The following LYRM2 variants were observed in gnomAD, a reference collection of about 807,000 sequenced individuals.
LYRM2 encodes LYR motif-containing protein 2.
In LYRM2, 8 loss-of-function variants were observed where a neutral mutation model predicts 11.6. The ratio of observed to expected loss-of-function variants is 0.69; its 90% CI spans 0.40 to 1.24. The LOEUF is 1.24. Among genes scored for constraint, LYRM2 ranks in the 50% most tolerant of loss-of-function variants. LYRM2 has a pLI of 0.01. For synonymous variants in LYRM2, 30 were observed against 36.4 expected (o/e 0.83, Z 0.63); for missense variants, 117 against 102.9 (o/e 1.14, Z -0.59).
rs1223578465 is a variant in LYRM2 at position 89,632,315 on chromosome 6, GTTTT to G, written c.*4954_*4957del. 6.6e-6 allele frequency: 1 copy of G among 151,792 alleles called. No individual in the cohort carries two copies. The highest frequency in any genetic ancestry group is 2.1e-4 in the South Asian group (1 of 4,792). 9.4% of individuals were successfully genotyped at this position (151,792 alleles called of 1,614,324 possible). A position where few individuals can be genotyped will look rare whatever the true frequency, so the allele number is the denominator to read the frequency against. On this transcript the variant is annotated 3_prime_UTR_variant, in exon 3 of 3. Transcript: ENST00000523377. ...TCCCTTTGTCAAGCTCAGTTTTAGG[GTTTT>G]TTCTTTTTTTTATAGTGACAATCCA...
At chr6:89,637,994 A>C in intron 1 of LYRM2, 112 bp from the exon 2 acceptor site, 1 of 1,206,444 alleles carries the variant, frequency 8.3e-7, no homozygotes, top group Non-Finnish European at 1.2e-6. Flanking sequence ...TCAATTTTGA[A>C]AAAGGCAAAG....
Position 89,635,522 on chromosome 6 carries a change from T to G in LYRM2, c.*1751A>C, listed in dbSNP as rs1268479644. On this transcript the variant is annotated 3_prime_UTR_variant, in exon 3 of 3. Coordinates refer to ENST00000523377, the MANE Select transcript of LYRM2 (RefSeq NM_020466.5). ...CCAGGTCATTAACATCCACATTCAG[T>G]TGATGCCTCTCAGACACAGTCCAGT... 1.3e-5 allele frequency: 2 copies of G among 152,474 alleles called. No individual in the cohort carries two copies. Among genetic ancestry groups the G allele is most frequent in the East Asian group, 1.9e-4 (1 of 5,204 alleles). 9.4% of individuals were successfully genotyped at this position (152,474 alleles called of 1,614,324 possible). A position where few individuals can be genotyped will look rare whatever the true frequency, so the allele number is the denominator to read the frequency against.
rs1050004418 is a variant in LYRM2, at chr6:89,634,816, G to A, written c.*2457C>T. On this transcript the variant is annotated 3_prime_UTR_variant, in exon 3 of 3. Transcript: ENST00000523377. ...CTTTTTTATTTTTTTTGAGACAAGA[G>A]TCTCACTCTTTCGCCCAGGCTGTAG... 6.6e-6 allele frequency: 1 copy of A among 152,196 alleles called. No individual in the cohort carries two copies. The highest frequency in any genetic ancestry group is 2.1e-4 in the South Asian group (1 of 4,826). The allele number at this position is 152,196 out of a possible 1,614,324, so 9.4% of individuals were successfully genotyped here. A position where few individuals can be genotyped will look rare whatever the true frequency, so the allele number is the denominator to read the frequency against.
rs1342571697 is a variant in LYRM2 at position 89,633,767 on chromosome 6, G to A, written c.*3506C>T. On this transcript the variant is annotated 3_prime_UTR_variant, in exon 3 of 3. Coordinates refer to ENST00000523377, the MANE Select transcript of LYRM2 (RefSeq NM_020466.5). The stretch of plus-strand genomic sequence containing the variant: ...TTAATATTTTTATCACCTTGAATTT[G>A]TGTCTCTTCCAAGCATTAAAGATAC... The A allele has an allele frequency of 6.6e-6, 1 of 152,100 alleles. No homozygotes were observed. The highest frequency in any genetic ancestry group is 2.4e-5 in the African/African-American group (1 of 41,408). 9.4% of individuals were successfully genotyped at this position (152,100 alleles called of 1,614,324 possible). A position where few individuals can be genotyped will look rare whatever the true frequency, so the allele number is the denominator to read the frequency against.
At position 89,634,939 on chromosome 6, in the gene LYRM2, G is replaced by C. The variant is rs989890116; in HGVS notation, c.*2334C>G. On this transcript the variant is annotated 3_prime_UTR_variant, in exon 3 of 3. Coordinates refer to ENST00000523377, the MANE Select transcript of LYRM2 (RefSeq NM_020466.5). ...CTGGAATTACAGGCACGTGCCACCA[G>C]GTTAGGCTAGCTAGTGGCCTAGCTA... 7.9e-5 allele frequency: 12 copies of C among 152,100 alleles called. No individual in the cohort carries two copies. The highest frequency in any genetic ancestry group is 7.9e-4 in the Admixed American group (12 of 15,262). 9.4% of individuals were successfully genotyped at this position (152,100 alleles called of 1,614,324 possible).
Position 89,634,415 on chromosome 6 carries a change from ACTGT to A in LYRM2, c.*2854_*2857del, listed in dbSNP as rs1473912898. ...ATTCTGGGTGACAGAATGAGGTAAG[ACTGT>A]CTCTTTAAAAAAAAAAACAACTCAC... On this transcript the variant is annotated 3_prime_UTR_variant, in exon 3 of 3. Coordinates refer to ENST00000523377, the MANE Select transcript of LYRM2 (RefSeq NM_020466.5). The A allele has an allele frequency of 6.8e-6, 1 of 146,658 alleles. No homozygotes were observed. The highest frequency in any genetic ancestry group is 1.9e-4 in the East Asian group (1 of 5,172). 9.1% of individuals were successfully genotyped at this position (146,658 alleles called of 1,614,324 possible).
intron 1 of LYRM2, 21 bp from the exon 2 acceptor site, chr6:89,637,903 T>C (rs747750812): frequency 1.6e-5 from 25 of 1,608,440 alleles, no homozygotes; most frequent in Admixed American, 5.0e-5. Context: ...GAGGAGTAAA[T>C]AGCAATTACT....
rs1261932167 is a variant in LYRM2, at chr6:89,637,901, A to G, written c.46-19T>C. 1 of 1,610,084 alleles carries G rather than the reference A, an allele frequency of 6.2e-7. No homozygotes were observed. The highest frequency in any genetic ancestry group is 8.5e-7 in the Non-Finnish European group (1 of 1,177,274). The stretch of plus-strand genomic sequence containing the variant: ...TTACGAACTGTAAAAGGGAGGAGTA[A>G]ATAGCAATTACTACTGCACAATCGC... On this transcript the variant is annotated intron_variant, in intron 1 of 2. Transcript: ENST00000523377.
At position 89,632,438 on chromosome 6, in the gene LYRM2, A is replaced by C. The variant is rs1280311553; in HGVS notation, c.*4835T>G. 1 of 152,118 alleles carries C rather than the reference A, an allele frequency of 6.6e-6. No homozygotes were observed. Among genetic ancestry groups the C allele is most frequent in the African/African-American group, 2.4e-5 (1 of 41,400 alleles). The allele number at this position is 152,118 out of a possible 1,614,324, so 9.4% of individuals were successfully genotyped here. ...GAATTTGATGTTTTTTATTTTGTTG[A>C]GACAGGGTCTTGCTCTGTCACCCAG... On this transcript the variant is annotated 3_prime_UTR_variant, in exon 3 of 3. Coordinates refer to ENST00000523377, the MANE Select transcript of LYRM2 (RefSeq NM_020466.5).
chr6:89,637,687 T>A (rs1216275250), intron 2 of LYRM2, 55 bp downstream of exon 2: 5 of 1,556,028 alleles, frequency 3.2e-6, no homozygotes, highest in African/African-American at 1.4e-5. Flanking sequence ...AAAAAAAAAA[T>A]TCACTGATCA....
rs1807972386 is a variant in LYRM2, at chr6:89,635,349, G to C, written c.*1924C>G. 1 of 152,206 alleles carries C rather than the reference G, an allele frequency of 6.6e-6. No individual in the cohort carries two copies. The highest frequency in any genetic ancestry group is 2.4e-5 in the African/African-American group (1 of 41,450). The allele number at this position is 152,206 out of a possible 1,614,324, so 9.4% of individuals were successfully genotyped here. Reference sequence around the variant, plus strand: ...CTGTTTGTCAGATCATTTTGCAACAGGTTAACTAATACTTATCTACATAAA... The same window carrying C: ...CTGTTTGTCAGATCATTTTGCAACACGTTAACTAATACTTATCTACATAAA... On this transcript the variant is annotated 3_prime_UTR_variant, in exon 3 of 3. Transcript: ENST00000523377.
Position 89,637,286 on chromosome 6 carries a change from A to G in LYRM2, c.254T>C (p.Leu85Ser), listed in dbSNP as rs1260068056. The G allele has an allele frequency of 1.3e-6, 2 of 1,546,596 alleles. No individual in the cohort carries two copies. The highest frequency in any genetic ancestry group is 1.7e-5 in the Admixed American group (1 of 59,628). Reference protein sequence around the residue: ...QLKELEKTLALAKS With the variant: ...QLKELEKTLASAKS ...ATAATGCTATAGTTAAGATTTTGCT[A>G]AAGCAAGTGTTTTTTCTAACTCCTT... The change falls in exon 3 of 3, where the codon TTA (leucine) becomes TCA (serine). Residue 85 changes from leucine (L) to serine (S), a missense_variant. Transcript: ENST00000523377.
chr6:89,637,982 G>T, intron 1 of LYRM2, 100 bp from the exon 2 acceptor site: 3 of 1,223,602 alleles, frequency 2.5e-6, no homozygotes, highest in South Asian at 3.2e-5. Context: ...ACTTCTCGTT[G>T]GTCAATTTTG....
At chr6:89,637,380 T>C in intron 2 of LYRM2, 27 bp from the exon 3 acceptor site, 2 of 1,439,792 alleles carry the variant, frequency 1.4e-6, no homozygotes, top group Non-Finnish European at 2.0e-6. Context: ...AATCTGGTTA[T>C]AGTTTTACCT....
rs1409850452 is a variant in LYRM2 at position 89,635,801 on chromosome 6, G to T, written c.*1472C>A. On this transcript the variant is annotated 3_prime_UTR_variant, in exon 3 of 3. Transcript: ENST00000523377. ...CTGACGTATTCTTCAAATTCTCTTT[G>T]TTTTTTTTCCTGTCATTGGAGAACT... The T allele has an allele frequency of 2.6e-5, 4 of 151,798 alleles. No individual in the cohort carries two copies. The highest frequency in any genetic ancestry group is 6.6e-5 in the Admixed American group (1 of 15,200). 9.4% of individuals were successfully genotyped at this position (151,798 alleles called of 1,614,324 possible).
chr6:89,638,224 A>T, intron 1 of LYRM2: 1 of 1,002,414 alleles, frequency 1.0e-6, no homozygotes, highest in Non-Finnish European at 1.2e-6. Context: ...CTTTTTGCTT[A>T]CTGCTCTGTC....
chr6:89,637,740 A>G lies in LYRM2; in HGVS notation c.186+2T>C. The stretch of plus-strand genomic sequence containing the variant: ...CTGTCCTCACCATGATTTTGTTCTC[A>G]CCTCTTCGGTGGCACTTTTGTTTCT... On this transcript the variant is annotated splice_donor_variant, in intron 2 of 2. Transcript: ENST00000523377. LOFTEE classifies it high-confidence loss of function. 6.2e-7 allele frequency: 1 copy of G among 1,613,558 alleles called. No individual in the cohort carries two copies. The highest frequency in any genetic ancestry group is 8.5e-7 in the Non-Finnish European group (1 of 1,179,768).
At chr6:89,638,192 A>G in intron 1 of LYRM2, 2 of 786,116 alleles carry the variant, frequency 2.5e-6, no homozygotes, top group Admixed American at 4.4e-5. Flanking sequence ...TTTTAAAGAA[A>G]GCATCACGAG....
intron 1 of LYRM2, among the ~76,000 whole-genome samples, 170 bp from the exon 2 acceptor site, chr6:89,638,052 T>C (rs1250499116): frequency 6.6e-6 from 1 of 152,180 alleles, no homozygotes; most frequent in Admixed American, 6.5e-5. Flanking sequence ...GGCTCAGGCC[T>C]GTAATCCCAG....
Sources: allele counts gnomAD v4.1 joint callset (sites outside exome capture counted in the v4.1 genomes callset), GRCh38; gene constraint gnomAD v4.1.1; transcripts MANE v1.5; gene names NCBI Gene and HGNC (gene_info 2026-07-23, HGNC 2026-07-21).